The following ACTR3C variants were observed in gnomAD, a reference collection of about 807,000 sequenced individuals.
ACTR3C encodes actin related protein 3C.
ACTR3C carries 18 observed loss-of-function variants against 26.3 expected under a neutral mutation model. The observed-to-expected ratio is 0.68, with a 90% confidence interval of 0.47 to 1.01. ACTR3C has a LOEUF of 1.01. ACTR3C is among the 50% of genes least tolerant of loss of function. The pLI, the probability that ACTR3C is intolerant of heterozygous loss-of-function variation, is 0.00. For synonymous variants in ACTR3C, 55 were observed against 94.5 expected (o/e 0.58, Z 2.42); for missense variants, 184 against 250.7 (o/e 0.73, Z 1.80).
At chr7:150,019,183 T>C in the ACTR3C span, among the ~76,000 whole-genome samples, 1 of 150,304 alleles carries the variant, frequency 6.7e-6, no homozygotes, top group Admixed American at 6.6e-5. Flanking sequence ...ACATGTAATT[T>C]ACAGAGAGTT....
At chr7:150,174,761 T>C in the ACTR3C span, among the ~76,000 whole-genome samples, 1 of 147,810 alleles carries the variant, frequency 6.8e-6, no homozygotes, top group Non-Finnish European at 1.5e-5. Context: ...CAAAGAAAAC[T>C]ACAGGCCCAA....
At chr7:149,992,551 C>T in the ACTR3C span, among the ~76,000 whole-genome samples, 5 of 152,188 alleles carry the variant, frequency 3.3e-5, no homozygotes, top group African/African-American at 7.2e-5. Context: ...CCTTCCCGTC[C>T]GGGGCAGCTG....
At chr7:150,092,811 C>G in the ACTR3C span, among the ~76,000 whole-genome samples, 653 of 149,242 alleles carry the variant, frequency 4.4e-3, 23 homozygotes, top group African/African-American at 0.013. Context: ...ACACTCTCTC[C>G]TCTGCCCACA....
At chr7:149,967,831 C>T in the ACTR3C span, among the ~76,000 whole-genome samples, 1 of 151,932 alleles carries the variant, frequency 6.6e-6, no homozygotes, top group Non-Finnish European at 1.5e-5. Flanking sequence ...AGTTGGAGAA[C>T]TTCTAAAGAT....
At chr7:150,167,080 T>TATCTTG in the ACTR3C span, among the ~76,000 whole-genome samples, 9 of 150,304 alleles carry the variant, frequency 6.0e-5, 1 homozygote, top group African/African-American at 2.3e-4. Context: ...CTTAGGTTGA[T>TATCTTG]GCCATATCTT....
the ACTR3C span, among the ~76,000 whole-genome samples, chr7:150,032,945 T>C: frequency 6.6e-6 from 1 of 152,176 alleles, no homozygotes. Context: ...CACTTGACGC[T>C]GCCCAGCTTG....
chr7:150,014,010 C>A, the ACTR3C span, among the ~76,000 whole-genome samples: 1 of 152,096 alleles, frequency 6.6e-6, no homozygotes. Context: ...TGGGATATTT[C>A]TTCTGCAAGG....
At chr7:150,042,926 T>C in the ACTR3C span, among the ~76,000 whole-genome samples, 1 of 150,620 alleles carries the variant, frequency 6.6e-6, no homozygotes, top group Non-Finnish European at 1.5e-5. Context: ...GTTTTTCCTT[T>C]AACTAATGAA....
chr7:149,923,325 T>C, the ACTR3C span, among the ~76,000 whole-genome samples: 1 of 152,018 alleles, frequency 6.6e-6, no homozygotes, highest in Non-Finnish European at 1.5e-5. Flanking sequence ...AGTCATCCAA[T>C]AAAAGGCAAC....
the ACTR3C span, among the ~76,000 whole-genome samples, chr7:150,097,433 C>T: frequency 1.3e-5 from 2 of 151,590 alleles, no homozygotes; most frequent in African/African-American, 4.9e-5. Flanking sequence ...TGCTATCCTG[C>T]AGCCACTAGA....
the ACTR3C span, among the ~76,000 whole-genome samples, chr7:150,169,773 T>C: frequency 1.3e-5 from 2 of 150,876 alleles, no homozygotes; most frequent in South Asian, 2.1e-4. Context: ...AACTTTCTTG[T>C]TTTAGTCCAG....
the ACTR3C span, among the ~76,000 whole-genome samples, chr7:150,050,637 G>A: frequency 6.6e-6 from 1 of 152,158 alleles, no homozygotes; most frequent in Non-Finnish European, 1.5e-5. Flanking sequence ...GCGAGCGTCT[G>A]AAAGATGCAG....
the ACTR3C span, among the ~76,000 whole-genome samples, chr7:150,041,112 G>T: frequency 6.6e-6 from 1 of 150,480 alleles, no homozygotes; most frequent in South Asian, 2.1e-4. Context: ...TGTCAGATCG[G>T]GTAGCCCCAG....
the ACTR3C span, among the ~76,000 whole-genome samples, chr7:150,140,848 G>A: frequency 2.6e-5 from 4 of 152,356 alleles, no homozygotes; most frequent in Admixed American, 6.5e-5. Context: ...GGCCTCTTGC[G>A]CTAAACAGTT....
At chr7:150,038,531 C>T in the ACTR3C span, among the ~76,000 whole-genome samples, 1 of 144,872 alleles carries the variant, frequency 6.9e-6, no homozygotes, top group African/African-American at 2.6e-5. Flanking sequence ...CCACAGCCTA[C>T]AAAACCCCAC....
chr7:149,936,892 G>T, the ACTR3C span, among the ~76,000 whole-genome samples: 1 of 151,450 alleles, frequency 6.6e-6, no homozygotes, highest in Non-Finnish European at 1.5e-5. Context: ...TGGGATCAAG[G>T]GATCCTCCAC....
chr7:150,038,877 C>T, the ACTR3C span, among the ~76,000 whole-genome samples: 1 of 114,486 alleles, frequency 8.7e-6, no homozygotes, highest in Admixed American at 9.2e-5. Context: ...GTCCCTGCCT[C>T]GCGGGGGGTG....
the ACTR3C span, among the ~76,000 whole-genome samples, chr7:150,036,023 C>A: frequency 2.9e-4 from 37 of 125,872 alleles, 1 homozygote; most frequent in African/African-American, 1.1e-3. Context: ...GCGATGGGGT[C>A]CTAAGAGCAA....
the ACTR3C span, among the ~76,000 whole-genome samples, chr7:150,026,105 A>C: frequency 6.6e-6 from 1 of 152,048 alleles, no homozygotes; most frequent in Non-Finnish European, 1.5e-5. Flanking sequence ...AAGGCAAATG[A>C]CGTAGCTTCC....
Sources: gnomAD v4.1 joint callset for allele counts (sites outside exome capture counted in the v4.1 genomes callset) on GRCh38, gnomAD v4.1.1 for gene constraint, MANE v1.5 for transcripts, NCBI Gene and HGNC (gene_info 2026-07-23, HGNC 2026-07-21) for gene names.